The following PLA2R1 variants were observed in gnomAD, a reference collection of about 807,000 sequenced individuals.
PLA2R1 encodes the protein phospholipase A2 receptor 1.
Under a neutral mutation model 195.9 loss-of-function variants are expected in PLA2R1, and 158 were observed. The observed-to-expected ratio is 0.81, with a 90% confidence interval of 0.71 to 0.92. The LOEUF (loss-of-function observed/expected upper bound fraction) is 0.92, where lower values mean the gene tolerates loss of function less well. PLA2R1 is among the 40% of genes least tolerant of loss of function. The pLI is 0.00. For synonymous variants in PLA2R1, 586 were observed against 598.2 expected, an observed-to-expected ratio of 0.98 and a Z score of 0.30; for missense variants, 1,626 against 1,764.6, an observed-to-expected ratio of 0.92 and a Z score of 1.41.
At chr2:159,981,811 G>A (rs992587918) in intron 13 of PLA2R1, among the ~76,000 whole-genome samples, 1 of 152,116 alleles carries the variant, frequency 6.6e-6, no homozygotes, top group African/African-American at 2.4e-5. Flanking sequence ...GGTTTTGCTG[G>A]GACTACAGGT....
At chr2:159,983,884 A>G (rs1560175754) in intron 13 of PLA2R1, 44 bp downstream of exon 13, 4 of 1,129,720 alleles carry the variant, frequency 3.5e-6, no homozygotes, top group Non-Finnish European at 5.2e-6. Flanking sequence ...TTACTGGGAG[A>G]TAGAATATTT....
intron 1 of PLA2R1, among the ~76,000 whole-genome samples, chr2:160,052,840 G>A (rs1573983075): frequency 6.6e-6 from 1 of 152,166 alleles, no homozygotes; most frequent in East Asian, 1.9e-4. Flanking sequence ...TGCTTACAAT[G>A]AGCTATCCAT....
chr2:160,044,694 G>A (rs567944753), intron 2 of PLA2R1, 80 bp downstream of exon 2: 15 of 1,238,210 alleles, frequency 1.2e-5, no homozygotes, highest in East Asian at 9.3e-5. Context: ...CTTCTTTCAC[G>A]TAATGCTTTA....
intron 18 of PLA2R1, among the ~76,000 whole-genome samples, chr2:159,969,667 C>G (rs1284385340): frequency 1.3e-5 from 2 of 152,074 alleles, no homozygotes; most frequent in Non-Finnish European, 2.9e-5. Context: ...TTAGCCCCCC[C>G]AAGTAGCTGG....
rs767993771 is a variant in PLA2R1 at position 160,022,633 on chromosome 2, T to C, written c.1294+32A>G. On this transcript the variant is annotated intron_variant, in intron 7 of 29. Coordinates refer to ENST00000283243, the MANE Select transcript of PLA2R1 (RefSeq NM_007366.5). ...AAAGTAGTTACTACATTATATTTTA[T>C]GCCTTTTAAACCAAAGGCAGCTGGG... The C allele has an allele frequency of 7.5e-6, 10 of 1,338,864 alleles. No homozygotes were observed. In the African/African-American group the frequency reaches 1.3e-4, roughly 18 times the overall value. The allele number at this position is 1,338,864 out of a possible 1,614,324, so 82.9% of individuals were successfully genotyped here. A position where few individuals can be genotyped will look rare whatever the true frequency, so the allele number is the denominator to read the frequency against.
intron 8 of PLA2R1, among the ~76,000 whole-genome samples, chr2:160,019,166 C>T (rs1360632062): frequency 1.3e-5 from 2 of 152,140 alleles, no homozygotes; most frequent in Non-Finnish European, 2.9e-5. Context: ...GCTACTGGGA[C>T]CACTCCATCC....
chr2:160,017,639 A>G (rs985220937), intron 8 of PLA2R1, among the ~76,000 whole-genome samples: 1 of 152,154 alleles, frequency 6.6e-6, no homozygotes, highest in Non-Finnish European at 1.5e-5. Context: ...CTCTAATCCT[A>G]TTGAAGGCTA....
At chr2:159,992,684 C>A (rs1351512015) in intron 11 of PLA2R1, among the ~76,000 whole-genome samples, 1 of 151,614 alleles carries the variant, frequency 6.6e-6, no homozygotes, top group Non-Finnish European at 1.5e-5. Context: ...CATATGGAAC[C>A]AAAAAAGAGC....
the PLA2R1 span, among the ~76,000 whole-genome samples, chr2:159,924,510 G>A: frequency 6.6e-6 from 1 of 152,146 alleles, no homozygotes. Context: ...CAGGAAAGGT[G>A]TTCAAAGATG....
chr2:159,956,216 A>G (rs1688076253), intron 21 of PLA2R1, among the ~76,000 whole-genome samples: 2 of 152,232 alleles, frequency 1.3e-5, no homozygotes, highest in Non-Finnish European at 2.9e-5. Context: ...TTACATGTAG[A>G]TCATACTTTT....
chr2:160,028,036 T>C (rs1341192554), intron 6 of PLA2R1, among the ~76,000 whole-genome samples, 182 bp downstream of exon 6: 1 of 152,248 alleles, frequency 6.6e-6, no homozygotes, highest in Non-Finnish European at 1.5e-5. Context: ...TAAATGCATT[T>C]GTTAAAATCA....
In PLA2R1 at chr2:160,028,850, C is replaced by T. The variant is rs1558963004; in HGVS notation, c.955G>A (p.Glu319Lys). The T allele has an allele frequency of 3.1e-6, 5 of 1,595,306 alleles. No homozygotes were observed. The highest frequency in any genetic ancestry group is 4.3e-6 in the Non-Finnish European group (5 of 1,162,480). Reference sequence around the variant, plus strand: ...AAGGCAAAGAAAACACTGCGGGTACCTGGGCTCCAATTCAGATAGTTGAGC... The same window carrying T: ...AAGGCAAAGAAAACACTGCGGGTACTTGGGCTCCAATTCAGATAGTTGAGC... ...TPLNYLNWSP[E>K]VNFEPFVEDH... Residue 319 changes from glutamate (E) to lysine (K), a missense_variant and splice_region_variant, in exon 5 of 30, where the codon GAG (glutamate) becomes AAG (lysine). Glu to Lys is a moderately conservative substitution (Grantham distance 56). Coordinates refer to ENST00000283243, the MANE Select transcript of PLA2R1 (RefSeq NM_007366.5).
At chr2:160,050,970 C>T (rs2715926) in intron 1 of PLA2R1, among the ~76,000 whole-genome samples, 2,331 of 152,280 alleles carry the variant, frequency 0.015, 70 homozygotes, top group African/African-American at 0.053. Context: ...TTAGACAGCT[C>T]TTCTCTTAGA....
At chr2:159,926,276 A>G in the PLA2R1 span, among the ~76,000 whole-genome samples, 1 of 152,234 alleles carries the variant, frequency 6.6e-6, no homozygotes, top group African/African-American at 2.4e-5. Context: ...TAATTTGGTA[A>G]TATATTATCA....
chr2:160,049,591 G>A (rs1399713481), intron 1 of PLA2R1, among the ~76,000 whole-genome samples: 1 of 152,176 alleles, frequency 6.6e-6, no homozygotes, highest in Non-Finnish European at 1.5e-5. Context: ...TTAATGGTGG[G>A]GCGTGGTGGC....
At chr2:160,016,169 C>A (rs1692732605) in intron 9 of PLA2R1, among the ~76,000 whole-genome samples, 1 of 149,940 alleles carries the variant, frequency 6.7e-6, no homozygotes, top group African/African-American at 2.5e-5. Flanking sequence ...GAGGCTGAGG[C>A]ATGCGAATTG....
intron 17 of PLA2R1, among the ~76,000 whole-genome samples, chr2:159,971,502 AC>A (rs56159337): frequency 0.35 from 51,558 of 147,812 alleles, 10,898 homozygotes; most frequent in Non-Finnish European, 0.49. Flanking sequence ...ACACACACAC[AC>A]ATTAGGGCAG....
chr2:159,956,506 C>A lies in PLA2R1; in HGVS notation c.3022+4G>T, dbSNP rs369677460. The A allele has an allele frequency of 2.5e-5, 39 of 1,532,108 alleles. No individual in the cohort carries two copies. The African/African-American group carries it at 5.0e-4, about 20-fold the overall frequency. 94.9% of individuals were successfully genotyped at this position (1,532,108 alleles called of 1,614,324 possible). A position where few individuals can be genotyped will look rare whatever the true frequency, so the allele number is the denominator to read the frequency against. On this transcript the variant is annotated splice_donor_region_variant and intron_variant, in intron 21 of 29. Coordinates refer to ENST00000283243, the MANE Select transcript of PLA2R1 (RefSeq NM_007366.5). Reference sequence around the variant, plus strand: ...TTGGCCTGGTTGGATCTTGAGTACTCTACCTTGCTCCACCTCACTTTCAAT... The same window carrying A: ...TTGGCCTGGTTGGATCTTGAGTACTATACCTTGCTCCACCTCACTTTCAAT...
intron 1 of PLA2R1, 125 bp downstream of exon 1, chr2:160,062,170 C>T (rs369662198): frequency 4.5e-6 from 3 of 669,506 alleles, no homozygotes; most frequent in Admixed American, 3.3e-5. Flanking sequence ...CACACGAACC[C>T]CTACAAACGC....
Sources: gnomAD v4.1 joint callset for allele counts (sites outside exome capture counted in the v4.1 genomes callset) on GRCh38, gnomAD v4.1.1 for gene constraint, MANE v1.5 for transcripts, NCBI Gene and HGNC (gene_info 2026-07-23, HGNC 2026-07-21) for gene names.